The following TRPM3 variants were observed in gnomAD, a reference collection of about 807,000 sequenced individuals.
The protein encoded by TRPM3 is transient receptor potential cation channel subfamily M member 3, also known as long transient receptor potential channel 3.
Under a neutral mutation model 181.2 loss-of-function variants are expected in TRPM3, and 77 were observed. That is an observed-to-expected ratio of 0.42 (90% CI 0.35 to 0.51). The LOEUF is 0.51. TRPM3 is among the 20% of genes least tolerant of loss of function. The pLI is 0.01. For synonymous variants in TRPM3, 745 were observed against 796.4 expected (o/e 0.94, Z 1.09); for missense variants, 1,759 against 2,196.7 (o/e 0.80, Z 3.98).
chr9:70,919,728 G>A (rs1388958429), intron 1 of TRPM3, among the ~76,000 whole-genome samples: 1 of 149,982 alleles, frequency 6.7e-6, no homozygotes, highest in Non-Finnish European at 1.5e-5. Context: ...AGATTGCAGT[G>A]AGCCAAGATC....
At chr9:71,231,792 G>T (rs796874923) in intron 1 of TRPM3, among the ~76,000 whole-genome samples, 1 of 152,150 alleles carries the variant, frequency 6.6e-6, no homozygotes, top group Non-Finnish European at 1.5e-5. Flanking sequence ...GGGGAGGATG[G>T]TAAGCGGGTT....
intron 14 of TRPM3, among the ~76,000 whole-genome samples, chr9:70,622,162 A>G (rs2063729358): frequency 6.6e-6 from 1 of 152,188 alleles, no homozygotes; most frequent in Admixed American, 6.5e-5. Flanking sequence ...GGACACAGTG[A>G]CAAGGTGTCA....
At chr9:71,201,702 C>T (rs1342709583) in intron 1 of TRPM3, among the ~76,000 whole-genome samples, 1 of 152,152 alleles carries the variant, frequency 6.6e-6, no homozygotes. Context: ...ATGTAGTTCT[C>T]GAGCCTTGGC....
Position 70,624,083 on chromosome 9 carries a change from C to T in TRPM3, c.1809+1108G>A, listed in dbSNP as rs192158990. On this transcript the variant is annotated intron_variant, in intron 14 of 25. Coordinates refer to ENST00000677713, the MANE Select transcript of TRPM3 (RefSeq NM_001366145.2). ...GAAAACTTGTATGTACTCCCCCCACCTCCACCATGACTTTGACAGCTTTTC... is the reference window on the plus strand; with the variant it reads ...GAAAACTTGTATGTACTCCCCCCACTTCCACCATGACTTTGACAGCTTTTC... Among the ~76,000 whole-genome samples the T allele has an allele frequency of 3.3e-5, 5 of 152,264 alleles. No individual in the cohort carries two copies. In the South Asian group the frequency reaches 6.2e-4, roughly 19 times the overall value.
chr9:71,123,077 A>T (rs2073815177), upstream of TRPM3, among the ~76,000 whole-genome samples: 1 of 152,206 alleles, frequency 6.6e-6, no homozygotes, highest in African/African-American at 2.4e-5. Context: ...GAAATTAGTA[A>T]CAAGTCTAAC....
chr9:71,048,505 T>C (rs1226419120), intron 1 of TRPM3, among the ~76,000 whole-genome samples: 1 of 152,174 alleles, frequency 6.6e-6, no homozygotes, highest in East Asian at 1.9e-4. Context: ...GCGTGCTGGG[T>C]GGTATGCGCT....
At chr9:71,078,329 A>C (rs1200013170) in intron 1 of TRPM3, among the ~76,000 whole-genome samples, 2 of 152,236 alleles carry the variant, frequency 1.3e-5, no homozygotes, top group African/African-American at 4.8e-5. Flanking sequence ...AGGAAGATGC[A>C]GAACAATATG....
At chr9:71,401,587 A>G (rs2093342214) in intron 1 of TRPM3, among the ~76,000 whole-genome samples, 1 of 152,228 alleles carries the variant, frequency 6.6e-6, no homozygotes, top group African/African-American at 2.4e-5. Flanking sequence ...GGTAGATGTC[A>G]AGAATTCATT....
chr9:71,401,899 T>C (rs935803494), intron 1 of TRPM3, among the ~76,000 whole-genome samples: 1 of 152,142 alleles, frequency 6.6e-6, no homozygotes, highest in African/African-American at 2.4e-5. Context: ...AGACAAAAAT[T>C]GAAATTCTAA....
chr9:71,038,267 T>A (rs2058436288), intron 1 of TRPM3, among the ~76,000 whole-genome samples: 1 of 152,218 alleles, frequency 6.6e-6, no homozygotes. Flanking sequence ...AGATCTGAGA[T>A]GCCTCTTGTC....
At chr9:71,006,803 G>A (rs1258936679) in intron 1 of TRPM3, among the ~76,000 whole-genome samples, 6 of 149,174 alleles carry the variant, frequency 4.0e-5, no homozygotes, top group East Asian at 4.0e-4. Flanking sequence ...CCCGGGAGGC[G>A]GAGCTTGCAG....
At chr9:71,093,264 CA>C (rs2066525616) in intron 1 of TRPM3, among the ~76,000 whole-genome samples, 1 of 151,940 alleles carries the variant, frequency 6.6e-6, no homozygotes, top group South Asian at 2.1e-4. Flanking sequence ...AGCTTCTGCA[CA>C]ACGAAAGAAA....
intron 1 of TRPM3, among the ~76,000 whole-genome samples, chr9:71,409,223 ACAT>A (rs1401418265): frequency 2.0e-5 from 3 of 152,238 alleles, no homozygotes; most frequent in Non-Finnish European, 2.9e-5. Flanking sequence ...TAACCAGCTT[ACAT>A]CATCATGACA....
At chr9:71,366,057 A>G (rs1194347739) in intron 1 of TRPM3, among the ~76,000 whole-genome samples, 2 of 152,166 alleles carry the variant, frequency 1.3e-5, no homozygotes, top group African/African-American at 4.8e-5. Context: ...AGGCTGTTAA[A>G]AGAGCTTTTC....
At chr9:70,662,651 C>A (rs755418722) in intron 9 of TRPM3, among the ~76,000 whole-genome samples, 14 of 152,176 alleles carry the variant, frequency 9.2e-5, no homozygotes, top group Admixed American at 1.3e-4. Flanking sequence ...TGTTCAACAT[C>A]ACTAATTCTC....
chr9:70,535,557 C>A lies in TRPM3; in HGVS notation c.*396G>T. 6.5e-7 allele frequency: 1 copy of A among 1,537,324 alleles called. No individual in the cohort carries two copies. On this transcript the variant is annotated 3_prime_UTR_variant, in exon 26 of 26. Transcript: ENST00000677713. Reference sequence around the variant, plus strand: ...TATTTTATTTTATTTTGCAATTTAGCCCTGCATCCTACAACTCTTGATAAT... The same window carrying A: ...TATTTTATTTTATTTTGCAATTTAGACCTGCATCCTACAACTCTTGATAAT...
intron 1 of TRPM3, among the ~76,000 whole-genome samples, chr9:71,354,761 C>T (rs891227323): frequency 1.8e-4 from 28 of 152,182 alleles, no homozygotes; most frequent in African/African-American, 6.5e-4. Context: ...CAGGATGATG[C>T]CATATCCTAT....
intron 22 of TRPM3, among the ~76,000 whole-genome samples, chr9:70,566,138 A>T (rs950954553): frequency 2.6e-5 from 4 of 152,188 alleles, no homozygotes; most frequent in Non-Finnish European, 4.4e-5. Flanking sequence ...ATAGATAAAT[A>T]AGCTAAGCAG....
At chr9:70,790,241 T>C (rs1289656548) in intron 6 of TRPM3, among the ~76,000 whole-genome samples, 4 of 152,198 alleles carry the variant, frequency 2.6e-5, no homozygotes, top group Non-Finnish European at 5.9e-5. Context: ...TACATGGAGA[T>C]AGAGCATAGA....
Sources: gnomAD v4.1 joint callset for allele counts (sites outside exome capture counted in the v4.1 genomes callset) on GRCh38, gnomAD v4.1.1 for gene constraint, MANE v1.5 for transcripts, NCBI Gene and HGNC (gene_info 2026-07-23, HGNC 2026-07-21) for gene names.